The following DDX46 variants were observed in gnomAD, a reference collection of about 807,000 sequenced individuals.
DDX46 encodes the protein DEAD-box helicase 46, also known as probable ATP-dependent RNA helicase DDX46.
DDX46 carries 30 observed loss-of-function variants against 134.9 expected under a neutral mutation model. The observed-to-expected ratio is 0.22, with a 90% CI of 0.17 to 0.30. The LOEUF is 0.30. DDX46 is among the 10% of genes least tolerant of loss of function. DDX46 has a pLI of 1.00. For missense variants in DDX46, 622 were observed against 1,248.7 expected (o/e 0.50, Z 7.56); for synonymous variants, 415 against 404.1 (o/e 1.03, Z -0.32).
intron 18 of DDX46, among the ~76,000 whole-genome samples, chr5:134,814,394 T>C (rs1561872681): frequency 6.6e-6 from 1 of 152,216 alleles, no homozygotes; most frequent in Non-Finnish European, 1.5e-5. Context: ...AAGTAATATA[T>C]AATTTTATGA....
At chr5:134,776,143 G>T (rs1383144539) in intron 5 of DDX46, among the ~76,000 whole-genome samples, 1 of 152,148 alleles carries the variant, frequency 6.6e-6, no homozygotes, top group Non-Finnish European at 1.5e-5. Context: ...TGTAATCCCA[G>T]CGCTTTGGGA....
At chr5:134,787,113 G>C (rs1484231669) in intron 11 of DDX46, among the ~76,000 whole-genome samples, 4 of 151,964 alleles carry the variant, frequency 2.6e-5, no homozygotes, top group Non-Finnish European at 4.4e-5. Context: ...TTGTAGAGAC[G>C]AGGTTTTGCC....
intron 3 of DDX46, among the ~76,000 whole-genome samples, chr5:134,768,247 C>G (rs985682771): frequency 5.3e-5 from 8 of 151,598 alleles, no homozygotes; most frequent in Non-Finnish European, 8.8e-5. Context: ...GTAGCTGGGA[C>G]TGCAGGTGTG....
rs372262506 is a variant in DDX46 at position 134,811,372 on chromosome 5, C to G, written c.2286+14C>G. ...CAGCAGAAAGCTGTGAGTTTTTAAC[C>G]CATGTTACTCTTCTAGAAATCATTA... is the stretch of plus-strand genomic sequence containing the variant. On this transcript the variant is annotated intron_variant, in intron 17 of 22. Coordinates refer to ENST00000452510, the MANE Select transcript of DDX46 (RefSeq NM_001300860.2). The G allele has an allele frequency of 3.7e-6, 6 of 1,611,228 alleles. No homozygotes were observed. The African/African-American group carries it at 8.0e-5, about 22-fold the overall frequency.
intron 6 of DDX46, 55 bp from the exon 7 acceptor site, chr5:134,781,078 C>T (rs975693059): frequency 4.8e-6 from 6 of 1,261,022 alleles, no homozygotes; most frequent in Non-Finnish European, 4.4e-6. Flanking sequence ...CTTCAGCAGT[C>T]ATATAACTTG....
At chr5:134,827,796 ATTC>A (rs1050722468) in intron 22 of DDX46, among the ~76,000 whole-genome samples, 30 of 152,146 alleles carry the variant, frequency 2.0e-4, no homozygotes, top group African/African-American at 7.0e-4. Flanking sequence ...TTTGGGGGCT[ATTC>A]TTATTTTTGG....
chr5:134,783,166 C>G (rs1435484416), intron 9 of DDX46, 101 bp downstream of exon 9: 7 of 1,451,488 alleles, frequency 4.8e-6, no homozygotes, highest in South Asian at 2.8e-5. Context: ...CTAAAAAAAC[C>G]CTTACGTTTT....
chr5:134,797,500 T>C lies in DDX46; in HGVS notation c.1954+1350T>C, dbSNP rs77380903. 6.9e-3 allele frequency among the ~76,000 whole-genome samples: 1,051 copies of C among 152,322 alleles called. 4 individuals carry two copies. The highest frequency in any genetic ancestry group is 0.011 in the Non-Finnish European group (724 of 68,026). On this transcript the variant is annotated intron_variant, in intron 15 of 22. Coordinates refer to ENST00000452510, the MANE Select transcript of DDX46 (RefSeq NM_001300860.2). ...CCTTGGTCATGGGCCCTTGTGGGCCTCTCTATGAGGCTGCTTGGCCAAGAG... is the reference window on the plus strand; with the variant it reads ...CCTTGGTCATGGGCCCTTGTGGGCCCCTCTATGAGGCTGCTTGGCCAAGAG...
intron 12 of DDX46, chr5:134,789,178 A>T (rs1015753420): frequency 6.6e-6 from 1 of 152,252 alleles, no homozygotes; most frequent in African/African-American, 2.4e-5. Flanking sequence ...CAAAACTCTT[A>T]CTAAACTGTT....
chr5:134,811,528 A>G lies in DDX46; in HGVS notation c.2287-168A>G, dbSNP rs779554590. 2.6e-4 allele frequency: 301 copies of G among 1,174,968 alleles called. 2 individuals are homozygous for G. In the Middle Eastern group the frequency reaches 5.3e-3, roughly 21 times the overall value. The allele number at this position is 1,174,968 out of a possible 1,614,324, so 72.8% of individuals were successfully genotyped here. ...AGCTAAAATCCTATCTTATTCTTGA[A>G]CTTAGTATTTTGTGGTGTCTATGTA... On this transcript the variant is annotated intron_variant, in intron 17 of 22. Transcript: ENST00000452510.
intron 18 of DDX46, 73 bp downstream of exon 18, chr5:134,811,918 G>A (rs1755156226): frequency 6.6e-7 from 1 of 1,525,308 alleles, no homozygotes; most frequent in Admixed American, 2.2e-5. Context: ...GCCATATATG[G>A]TTATCAAGAT....
chr5:134,797,189 A>AC, intron 15 of DDX46: 1 of 287,016 alleles, frequency 3.5e-6, no homozygotes, highest in Non-Finnish European at 6.5e-6. Flanking sequence ...AAAAAAAAAA[A>AC]AAAAAAAACA....
At position 134,781,940 on chromosome 5, in the gene DDX46, A is replaced by T. The variant is rs1754167846; in HGVS notation, c.899A>T (p.Glu300Val). Residue 300 changes from glutamate (E) to valine (V), a missense_variant, in exon 8 of 23, where the codon GAA becomes GTA. Coordinates refer to ENST00000452510, the MANE Select transcript of DDX46 (RefSeq NM_001300860.2). ...DAMEYSSEEE[E>V]VDLQTALTGY... ...CTATAGTATTCTTCAGAGGAGGAAG[A>T]AGTTGATCTTCAGACAGCCCTTACA... The T allele has an allele frequency of 6.2e-7, 1 of 1,606,852 alleles. No homozygotes were observed. Among genetic ancestry groups the T allele is most frequent in the Non-Finnish European group, 8.5e-7 (1 of 1,178,492 alleles).
chr5:134,765,844 G>A lies in DDX46; in HGVS notation c.207-1073G>A, dbSNP rs561645728. On this transcript the variant is annotated intron_variant, in intron 2 of 22. Transcript: ENST00000452510. ...ATATTCACCCGTGACAATGTGGATA[G>A]CATTTTCACATTTTGTGGTCCTAGG... Among the ~76,000 whole-genome samples the A allele has an allele frequency of 2.8e-4, 43 of 152,332 alleles. No homozygotes were observed. In the South Asian group the frequency reaches 8.9e-3, roughly 32 times the overall value.
intron 2 of DDX46, 30 bp downstream of exon 2, chr5:134,764,122 A>G: frequency 6.3e-7 from 1 of 1,577,974 alleles, no homozygotes; most frequent in Non-Finnish European, 8.6e-7. Context: ...CCAAAAGACG[A>G]GTGATAAATT....
Position 134,823,225 on chromosome 5 carries a change from A to C in DDX46, c.2978-3722A>C, listed in dbSNP as rs562393013. ...CGCCAGGCTGGAGTGCAATGGTGCAATCTTGGCTCACTAAAACCTCTGCCT... is the reference window on the plus strand; with the variant it reads ...CGCCAGGCTGGAGTGCAATGGTGCACTCTTGGCTCACTAAAACCTCTGCCT... On this transcript the variant is annotated intron_variant, in intron 21 of 22. Coordinates refer to ENST00000452510, the MANE Select transcript of DDX46 (RefSeq NM_001300860.2). Among the ~76,000 whole-genome samples, 5 of 148,098 alleles carry C rather than the reference A, an allele frequency of 3.4e-5. No homozygotes were observed. The South Asian group carries it at 1.1e-3, about 32-fold the overall frequency.
chr5:134,784,211 G>A (rs1255678655), intron 9 of DDX46, among the ~76,000 whole-genome samples, 155 bp from the exon 10 acceptor site: 1 of 152,178 alleles, frequency 6.6e-6, no homozygotes, highest in Non-Finnish European at 1.5e-5. Context: ...ATTGTAGAAT[G>A]TGTTAGTACT....
intron 21 of DDX46, among the ~76,000 whole-genome samples, chr5:134,819,591 G>T (rs1221663914): frequency 1.3e-5 from 2 of 151,886 alleles, no homozygotes. Flanking sequence ...GTGCAGTGGC[G>T]CAATATCAGC....
chr5:134,820,864 CTTT>C (rs1180909732), intron 21 of DDX46, among the ~76,000 whole-genome samples: 9 of 123,218 alleles, frequency 7.3e-5, no homozygotes, highest in Admixed American at 8.3e-5. Context: ...CTTTTCTTTT[CTTT>C]TTTTTTTTTT....
Sources: allele counts gnomAD v4.1 joint callset (sites outside exome capture counted in the v4.1 genomes callset), GRCh38; gene constraint gnomAD v4.1.1; transcripts MANE v1.5; gene names NCBI Gene and HGNC (gene_info 2026-07-23, HGNC 2026-07-21).